Variants in RFX7 observed in about 807,000 individuals in gnomAD.
The protein encoded by RFX7 is regulatory factor X7.
In RFX7, 26 loss-of-function variants were observed where a neutral mutation model predicts 111.8. The ratio of observed to expected loss-of-function variants is 0.23; its 90% confidence interval spans 0.17 to 0.32. The LOEUF (loss-of-function observed/expected upper bound fraction) is 0.32. Ranked by LOEUF, RFX7 falls within the 10% of genes least tolerant of loss-of-function variation. RFX7 has a pLI of 1.00. For synonymous variants in RFX7, 624 were observed against 624.4 expected, an observed-to-expected ratio of 1.00 and a Z score of 0.01; for missense variants, 1,573 against 1,772.9, an observed-to-expected ratio of 0.89 and a Z score of 2.02.
chr15:56,201,699 T>C (rs754698454), intron 2 of RFX7, among the ~76,000 whole-genome samples: 16 of 152,164 alleles, frequency 1.1e-4, no homozygotes, highest in Non-Finnish European at 1.6e-4. Flanking sequence ...TTCAAAGCGA[T>C]GTATGGATAA....
intron 5 of RFX7, among the ~76,000 whole-genome samples, chr15:56,124,980 A>C (rs191346858): frequency 6.6e-6 from 1 of 152,056 alleles, no homozygotes; most frequent in East Asian, 1.9e-4. Flanking sequence ...CTAATTTTGT[A>C]GTTTTGGTCT....
At chr15:56,233,732 G>A (rs1377753838) in intron 2 of RFX7, among the ~76,000 whole-genome samples, 1 of 152,154 alleles carries the variant, frequency 6.6e-6, no homozygotes, top group Non-Finnish European at 1.5e-5. Context: ...TAGAAAAATC[G>A]TGGTTGTGAA....
Position 56,087,837 on chromosome 15 carries a change from T to TAA in RFX7, c.*5506_*5507dup. 3.5e-6 allele frequency: 1 copy of TAA among 288,310 alleles called. No homozygotes were observed. The highest frequency in any genetic ancestry group is 6.9e-6 in the Non-Finnish European group (1 of 145,798). 17.9% of individuals were successfully genotyped at this position (288,310 alleles called of 1,614,324 possible). A position where few individuals can be genotyped will look rare whatever the true frequency, so the allele number is the denominator to read the frequency against. On this transcript the variant is annotated 3_prime_UTR_variant, in exon 10 of 10. Coordinates refer to ENST00000559447, the MANE Select transcript of RFX7 (RefSeq NM_022841.7). The stretch of plus-strand genomic sequence containing the variant: ...ATATTTTAGGCACTTTATCATCTGT[T>TAA]AAAAAAAAAGTCCCATTTTTATTTT...
intron 5 of RFX7, among the ~76,000 whole-genome samples, chr15:56,111,409 C>T (rs1209109714): frequency 1.3e-5 from 2 of 151,640 alleles, no homozygotes; most frequent in Admixed American, 6.6e-5. Context: ...GGATTAAGGG[C>T]GGTGCAAGAT....
Position 56,095,504 on chromosome 15 carries a change from A to C in RFX7, c.2224T>G (p.Ser742Ala), listed in dbSNP as rs760817706. 5.0e-6 allele frequency: 8 copies of C among 1,613,164 alleles called. No individual in the cohort carries two copies. The highest frequency in any genetic ancestry group is 6.8e-6 in the Non-Finnish European group (8 of 1,179,856). Residue 742 changes from serine (S) to alanine (A), a missense_variant, in exon 10 of 10, where the codon TCA becomes GCA. Transcript: ENST00000559447. The stretch of plus-strand genomic sequence containing the variant: ...GGGGTTGTTTGCTGTTCCAAAGCTG[A>C]ATCACTGATAACAAGGGCAGAGGAA... ...LNSSALVISD[S>A]ALEQQTTPSS...
chr15:56,161,497 T>G (rs929686603), intron 3 of RFX7, among the ~76,000 whole-genome samples: 1 of 152,060 alleles, frequency 6.6e-6, no homozygotes, highest in Admixed American at 6.6e-5. Flanking sequence ...GGACATTCAT[T>G]GGTAATTTTT....
intron 5 of RFX7, among the ~76,000 whole-genome samples, chr15:56,116,648 A>G (rs1595937877): frequency 1.3e-5 from 2 of 152,230 alleles, no homozygotes; most frequent in East Asian, 1.9e-4. Flanking sequence ...CAGTTGGCCC[A>G]AGAACATATA....
At chr15:56,232,104 G>C (rs564519745) in intron 2 of RFX7, among the ~76,000 whole-genome samples, 1 of 152,264 alleles carries the variant, frequency 6.6e-6, no homozygotes, top group East Asian at 1.9e-4. Context: ...AGGTGTGCAG[G>C]GCAAGCTATC....
Position 56,109,180 on chromosome 15 carries a change from C to T in RFX7, c.402-5510G>A, listed in dbSNP as rs983152059. ...CCTGCCTCAGCCTGCCGAGTGCCTG[C>T]GATTGCAGGCGCGCGCCGCCACGCC... On this transcript the variant is annotated intron_variant, in intron 5 of 9. Transcript: ENST00000559447. 1.1e-4 allele frequency among the ~76,000 whole-genome samples: 16 copies of T among 152,320 alleles called. No homozygotes were observed. The South Asian group carries it at 1.9e-3, about 18-fold the overall frequency.
At chr15:56,140,211 C>A (rs564010809) in intron 5 of RFX7, among the ~76,000 whole-genome samples, 1 of 152,212 alleles carries the variant, frequency 6.6e-6, no homozygotes, top group African/African-American at 2.4e-5. Flanking sequence ...GCCCCTCCCC[C>A]AGCCTCGCTG....
intron 2 of RFX7, among the ~76,000 whole-genome samples, chr15:56,211,247 C>G (rs1344105032): frequency 1.3e-5 from 2 of 151,972 alleles, no homozygotes; most frequent in African/African-American, 4.8e-5. Flanking sequence ...AGAAGAGTCA[C>G]AGAAATATAG....
rs1464276898 is a variant in RFX7, at chr15:56,087,526, C to T, written c.*5819G>A. On this transcript the variant is annotated 3_prime_UTR_variant, in exon 10 of 10. Transcript: ENST00000559447. ...ACAAGAACACTGCAAAGAAGTAGCACCCAAACCTTTTGGTTACATCTCTTT... is the reference window on the plus strand; with the variant it reads ...ACAAGAACACTGCAAAGAAGTAGCATCCAAACCTTTTGGTTACATCTCTTT... 1 of 456,550 alleles carries T rather than the reference C, an allele frequency of 2.2e-6. No individual in the cohort carries two copies. The highest frequency in any genetic ancestry group is 2.0e-5 in the African/African-American group (1 of 50,074). The allele number at this position is 456,550 out of a possible 1,614,324, so 28.3% of individuals were successfully genotyped here.
At chr15:56,175,113 GCAAGT>G (rs1402665826) in intron 3 of RFX7, among the ~76,000 whole-genome samples, 1 of 152,112 alleles carries the variant, frequency 6.6e-6, no homozygotes, top group Non-Finnish European at 1.5e-5. Flanking sequence ...GGTGAATGTA[GCAAGT>G]TTGCAGGTTA....
At chr15:56,132,991 A>T (rs72738604) in intron 5 of RFX7, among the ~76,000 whole-genome samples, 1 of 152,062 alleles carries the variant, frequency 6.6e-6, no homozygotes, top group East Asian at 1.9e-4. Flanking sequence ...TATACATTAA[A>T]GAAGGCATTA....
intron 2 of RFX7, 88 bp from the exon 3 acceptor site, chr15:56,179,391 CCTTA>C (rs1471561867): frequency 2.1e-6 from 1 of 476,976 alleles, no homozygotes; most frequent in Non-Finnish European, 3.4e-6. Flanking sequence ...ATTTAGTCTT[CCTTA>C]CTAAGAAAAA....
intron 2 of RFX7, among the ~76,000 whole-genome samples, chr15:56,221,684 C>T (rs1450025037): frequency 6.6e-6 from 1 of 151,986 alleles, no homozygotes; most frequent in African/African-American, 2.4e-5. Flanking sequence ...CCTCTATTGG[C>T]TTTTTACCTG....
intron 3 of RFX7, among the ~76,000 whole-genome samples, chr15:56,155,620 G>T (rs754723518): frequency 9.2e-5 from 14 of 152,132 alleles, no homozygotes; most frequent in Non-Finnish European, 2.1e-4. Flanking sequence ...GTCGGCGGGT[G>T]TGGGGCTAGG....
chr15:56,204,085 A>G lies in RFX7; in HGVS notation c.162-24782T>C, dbSNP rs191922250. Among the ~76,000 whole-genome samples, 8 of 149,616 alleles carry G rather than the reference A, an allele frequency of 5.3e-5. No individual in the cohort carries two copies. In the East Asian group the frequency reaches 1.2e-3, roughly 22 times the overall value. ...CCCCAGGCTGGAGTGCAGTGGCCCAATCGTGGCTCATTGTAACTTCTACCT... is the reference window on the plus strand; with the variant it reads ...CCCCAGGCTGGAGTGCAGTGGCCCAGTCGTGGCTCATTGTAACTTCTACCT... On this transcript the variant is annotated intron_variant, in intron 2 of 9. Coordinates refer to ENST00000559447, the MANE Select transcript of RFX7 (RefSeq NM_022841.7).
chr15:56,096,033 A>G lies in RFX7; in HGVS notation c.1695T>C (p.Pro565=). The G allele has an allele frequency of 1.2e-6, 2 of 1,613,136 alleles. No individual in the cohort carries two copies. The highest frequency in any genetic ancestry group is 1.7e-5 in the Admixed American group (1 of 59,900). ...TACTTTTCTGCCCCAAAAGGGCACT[A>G]GGTGTCTGGGGAGCTTTAGCCTCAT... is the stretch of plus-strand genomic sequence containing the variant. The part of the protein sequence containing the change: ...NSDEAKAPQT[P]SALLGQKSNT... The change falls in exon 10 of 10, where the codon CCT becomes CCC. Residue 565 remains proline, a synonymous_variant. Coordinates refer to ENST00000559447, the MANE Select transcript of RFX7 (RefSeq NM_022841.7).
Sources: gnomAD v4.1 joint callset for allele counts (sites outside exome capture counted in the v4.1 genomes callset) on GRCh38, gnomAD v4.1.1 for gene constraint, MANE v1.5 for transcripts, NCBI Gene and HGNC (gene_info 2026-07-23, HGNC 2026-07-21) for gene names.